Variants in WASHC2A observed in about 807,000 individuals in gnomAD.
WASHC2A encodes WASH complex subunit 2A.
A neutral mutation model predicts 140.3 loss-of-function variants in WASHC2A; 82 were observed. The observed-to-expected ratio is 0.58, with a 90% CI of 0.49 to 0.70. The LOEUF (loss-of-function observed/expected upper bound fraction) is 0.70, where lower values mean the gene tolerates loss of function less well. Ranked by LOEUF, WASHC2A falls within the 30% of genes least tolerant of loss-of-function variation. WASHC2A has a pLI of 0.00. For synonymous variants in WASHC2A, 340 were observed against 560.8 expected (o/e 0.61, Z 5.56); for missense variants, 985 against 1,521.8 (o/e 0.65, Z 5.87).
intron 20 of WASHC2A, among the ~76,000 whole-genome samples, chr10:50,110,892 C>CAA (rs1239943523): frequency 0.025 from 1,711 of 69,340 alleles, 75 homozygotes; most frequent in South Asian, 0.073. Context: ...GACTCCATCT[C>CAA]AAAAAAAAAA....
chr10:50,098,085 G>GT (rs1291601796), intron 16 of WASHC2A, among the ~76,000 whole-genome samples: 2 of 151,700 alleles, frequency 1.3e-5, no homozygotes, highest in African/African-American at 2.4e-5. Flanking sequence ...GCATGGAACT[G>GT]TTTCCATGTA....
At chr10:50,097,217 G>T (rs1840568763) in intron 15 of WASHC2A, among the ~76,000 whole-genome samples, 1 of 148,034 alleles carries the variant, frequency 6.8e-6, no homozygotes, top group Non-Finnish European at 1.5e-5. Context: ...TGTTCATCTT[G>T]TTTGAGTAGA....
chr10:50,112,236 G>C (rs1748059816), intron 20 of WASHC2A: 1 of 970,064 alleles, frequency 1.0e-6, no homozygotes, highest in African/African-American at 1.9e-5. Flanking sequence ...CTTGTTTGTG[G>C]GTCCTGGTTC....
intron 8 of WASHC2A, among the ~76,000 whole-genome samples, chr10:50,089,106 A>AGCCTCCCAAGTAGCT (rs1839650279): frequency 1.3e-5 from 2 of 151,262 alleles, no homozygotes; most frequent in Non-Finnish European, 3.0e-5. Context: ...CTGGGATTAT[A>AGCCTCCCAAGTAGCT]GGCATGTGCC....
intron 28 of WASHC2A, among the ~76,000 whole-genome samples, chr10:50,128,756 C>G (rs1843666116): frequency 6.6e-6 from 1 of 152,094 alleles, no homozygotes; most frequent in South Asian, 2.1e-4. Context: ...TGTAGCTTCT[C>G]AAAATTCTAC....
intron 3 of WASHC2A, among the ~76,000 whole-genome samples, chr10:50,077,755 C>T (rs1217603621): frequency 1.3e-5 from 2 of 151,528 alleles, no homozygotes; most frequent in Non-Finnish European, 2.9e-5. Context: ...TCACTGCAGC[C>T]TTTACCTCCC....
At position 50,091,415 on chromosome 10, in the gene WASHC2A, A is replaced by C. The variant is rs1305724645; in HGVS notation, c.844-16A>C. On this transcript the variant is annotated splice_polypyrimidine_tract_variant and intron_variant, in intron 9 of 30. Transcript: ENST00000282633. ...TTGTTACAAAAAAGCGATTCTTTTG[A>C]TTTCTCCTGCTGTAGAAAAGAAGCA... 1 of 1,548,990 alleles carries C rather than the reference A, an allele frequency of 6.5e-7. No homozygotes were observed. Among genetic ancestry groups the C allele is most frequent in the Non-Finnish European group, 8.7e-7 (1 of 1,146,676 alleles).
chr10:50,094,884 C>A (rs1159720787), intron 13 of WASHC2A, among the ~76,000 whole-genome samples: 41,319 of 147,446 alleles, frequency 0.28, 6,561 homozygotes, highest in Middle Eastern at 0.43. Context: ...TGGTGTCCCC[C>A]AGCTGACCCA....
In WASHC2A at chr10:50,132,861, T is replaced by C; in HGVS notation, c.3942T>C (p.Ser1314=). The change falls in exon 31 of 31, where the codon TCT becomes TCC. Residue 1314 remains serine, a synonymous_variant. Transcript: ENST00000282633. ...QAKTTKPKSR[S]AQAAPEPRFE... ...AGACAACCAAACCAAAAAGCCGATC[T>C]GCACAGGCCGCACCTGAACCAAGAT... is the stretch of plus-strand genomic sequence containing the variant. 6.2e-7 allele frequency: 1 copy of C among 1,612,032 alleles called. No homozygotes were observed.
chr10:50,131,007 A>G lies in WASHC2A; in HGVS notation c.3815A>G (p.Asp1272Gly), dbSNP rs2133126768. ...GATGATAACATTGATATCTTTGCTG[A>G]CTTAACTGTAAAACCAAAAGAAAAG... ...LFDDNIDIFA[D>G]LTVKPKEKSK... Residue 1272 changes from aspartate to glycine, a missense_variant, in exon 30 of 31, where the codon GAC becomes GGC. By Grantham distance (94) the Asp-to-Gly change is moderately conservative (BLOSUM62 -1). Transcript: ENST00000282633. The G allele has an allele frequency of 6.2e-7, 1 of 1,610,746 alleles. No individual in the cohort carries two copies. The highest frequency in any genetic ancestry group is 8.5e-7 in the Non-Finnish European group (1 of 1,179,032).
chr10:50,084,168 A>G lies in WASHC2A; in HGVS notation c.622+3A>G. 6.2e-7 allele frequency: 1 copy of G among 1,611,150 alleles called. No homozygotes were observed. Among genetic ancestry groups the G allele is most frequent in the Non-Finnish European group, 8.5e-7 (1 of 1,179,640 alleles). On this transcript the variant is annotated splice_donor_region_variant and intron_variant, in intron 6 of 30. Transcript: ENST00000282633. ...TCTTGGAGAGCTGTCCAGTGAAGGT[A>G]CTTTTCTTCACCAAATAATTTTGTT...
intron 3 of WASHC2A, among the ~76,000 whole-genome samples, chr10:50,074,851 G>A (rs1434024498): frequency 6.6e-6 from 1 of 152,142 alleles, no homozygotes; most frequent in Non-Finnish European, 1.5e-5. Context: ...GGGAGGCAGA[G>A]CTTGCAGTGA....
intron 19 of WASHC2A, among the ~76,000 whole-genome samples, chr10:50,108,938 G>A (rs1388944914): frequency 1.3e-5 from 2 of 149,860 alleles, no homozygotes; most frequent in Non-Finnish European, 3.0e-5. Flanking sequence ...GCTGACAGTG[G>A]ATCCCAGCTC....
intron 27 of WASHC2A, 53 bp downstream of exon 27, chr10:50,127,275 T>G: frequency 3.1e-6 from 5 of 1,611,866 alleles, no homozygotes; most frequent in Non-Finnish European, 4.2e-6. Context: ...CTATAAACTT[T>G]TTTGGGTTTC....
intron 29 of WASHC2A, among the ~76,000 whole-genome samples, chr10:50,130,339 C>T (rs1843841003): frequency 7.3e-6 from 1 of 137,004 alleles, no homozygotes; most frequent in Non-Finnish European, 1.7e-5. Flanking sequence ...CCTGGGCATG[C>T]CACTCGGTGA....
At chr10:50,126,439 G>A in intron 26 of WASHC2A, 1 of 320,976 alleles carries the variant, frequency 3.1e-6, no homozygotes, top group South Asian at 5.5e-5. Context: ...TGGAGTTAAG[G>A]TAGGATGAAG....
chr10:50,130,546 C>G (rs1843862687), intron 29 of WASHC2A, among the ~76,000 whole-genome samples: 1 of 152,018 alleles, frequency 6.6e-6, no homozygotes, highest in Admixed American at 6.6e-5. Flanking sequence ...CCTCAGAGCT[C>G]TCTGGGAAGA....
chr10:50,086,354 C>T (rs1220029664), intron 7 of WASHC2A, among the ~76,000 whole-genome samples: 2 of 151,508 alleles, frequency 1.3e-5, no homozygotes, highest in African/African-American at 2.4e-5. Flanking sequence ...CTTTTAGCCA[C>T]CGATGTGGCA....
intron 16 of WASHC2A, among the ~76,000 whole-genome samples, chr10:50,098,028 A>G (rs1162867133): frequency 6.0e-5 from 9 of 150,700 alleles, no homozygotes; most frequent in South Asian, 2.1e-4. Flanking sequence ...TTACATATCT[A>G]TTTTTTTCCT....
Sources: allele counts gnomAD v4.1 joint callset (sites outside exome capture counted in the v4.1 genomes callset), GRCh38; gene constraint gnomAD v4.1.1; transcripts MANE v1.5; gene names NCBI Gene and HGNC (gene_info 2026-07-23, HGNC 2026-07-21).